MOSMO: variants seen among roughly 807,000 people sequenced by gnomAD.
The protein encoded by MOSMO is modulator of smoothened.
MOSMO carries 5 observed loss-of-function variants against 18.4 expected under a neutral mutation model. The ratio of observed to expected loss-of-function variants is 0.27; its 90% CI spans 0.14 to 0.57. The LOEUF (loss-of-function observed/expected upper bound fraction) is 0.57, where lower values mean the gene tolerates loss of function less well. Ranked by LOEUF, MOSMO falls within the 20% of genes least tolerant of loss-of-function variation. The pLI is 0.92. For synonymous variants in MOSMO, 82 were observed against 82.3 expected, an observed-to-expected ratio of 1.00 and a Z score of 0.02; for missense variants, 138 against 211.8, an observed-to-expected ratio of 0.65 and a Z score of 2.16.
At chr16:22,047,227 T>A (rs962923650) in intron 1 of MOSMO, among the ~76,000 whole-genome samples, 21 of 151,418 alleles carry the variant, frequency 1.4e-4, no homozygotes, top group African/African-American at 5.1e-4. Flanking sequence ...CTATACTGTT[T>A]ATGCACCATA....
At chr16:22,076,312 A>G (rs1900966665) in intron 2 of MOSMO, 1 of 152,298 alleles carries the variant, frequency 6.6e-6, no homozygotes, top group Non-Finnish European at 1.5e-5. Flanking sequence ...AGAAACAAAA[A>G]TGCACAAAGA....
chr16:22,030,179 C>T (rs947992612), intron 1 of MOSMO, among the ~76,000 whole-genome samples: 5 of 152,140 alleles, frequency 3.3e-5, no homozygotes, highest in Non-Finnish European at 5.9e-5. Flanking sequence ...ATTTGTTCTA[C>T]CTTCACCCTT....
intron 1 of MOSMO, among the ~76,000 whole-genome samples, 171 bp downstream of exon 1, chr16:22,008,578 G>A (rs983579386): frequency 6.6e-6 from 1 of 151,572 alleles, no homozygotes; most frequent in Non-Finnish European, 1.5e-5. Context: ...TGGAGGAGAG[G>A]AAGCCGCCGG....
intron 1 of MOSMO, among the ~76,000 whole-genome samples, chr16:22,030,248 G>A (rs1899965907): frequency 6.6e-6 from 1 of 152,090 alleles, no homozygotes; most frequent in East Asian, 1.9e-4. Flanking sequence ...GACTCTGCAG[G>A]CAGATAGATA....
intron 1 of MOSMO, among the ~76,000 whole-genome samples, chr16:22,070,288 C>T (rs933599641): frequency 2.5e-4 from 38 of 152,286 alleles, no homozygotes; most frequent in African/African-American, 8.4e-4. Context: ...CAGCAGCACC[C>T]GTCTGCTCTG....
intron 1 of MOSMO, among the ~76,000 whole-genome samples, chr16:22,062,293 T>A (rs1225985844): frequency 6.6e-6 from 1 of 151,942 alleles, no homozygotes; most frequent in African/African-American, 2.4e-5. Context: ...TCCCAAACTA[T>A]GTTTCTCTTA....
Position 22,075,524 on chromosome 16 carries a change from A to G in MOSMO, c.144A>G (p.Thr48=). Residue 48 remains threonine (T), a synonymous_variant, in exon 2 of 3, where the codon ACA becomes ACG. Coordinates refer to ENST00000542527, the MANE Select transcript of MOSMO (RefSeq NM_001164579.2). ...LTVGLVRQCQ[T]IHGRDRTCIP... ...TGGGCCTCGTGCGACAGTGTCAAACAATCCATGGACGAGACCGGACGTGCA... is the reference window on the plus strand; with the variant it reads ...TGGGCCTCGTGCGACAGTGTCAAACGATCCATGGACGAGACCGGACGTGCA... The G allele has an allele frequency of 3.9e-6, 6 of 1,537,292 alleles. No homozygotes were observed. Among genetic ancestry groups the G allele is most frequent in the Non-Finnish European group, 5.2e-6 (6 of 1,146,916 alleles).
intron 1 of MOSMO, among the ~76,000 whole-genome samples, chr16:22,015,023 G>T (rs1431781062): frequency 6.6e-6 from 1 of 152,004 alleles, no homozygotes; most frequent in East Asian, 1.9e-4. Flanking sequence ...GTGGCTTTTA[G>T]TATCTTCATA....
At chr16:22,070,249 C>T (rs747592817) in intron 1 of MOSMO, among the ~76,000 whole-genome samples, 9 of 152,144 alleles carry the variant, frequency 5.9e-5, no homozygotes, top group South Asian at 2.1e-4. Context: ...ACAGAGATGA[C>T]GGCCCTGAGA....
intron 2 of MOSMO, among the ~76,000 whole-genome samples, chr16:22,077,225 A>C (rs1482320717): frequency 6.6e-6 from 1 of 152,196 alleles, no homozygotes; most frequent in Non-Finnish European, 1.5e-5. Context: ...TTAGCAAGGT[A>C]GTGTGAGTCG....
intron 1 of MOSMO, among the ~76,000 whole-genome samples, chr16:22,025,788 G>A (rs1899863574): frequency 6.6e-6 from 1 of 152,152 alleles, no homozygotes; most frequent in Admixed American, 6.5e-5. Flanking sequence ...ATTCAAAGAA[G>A]GGAATGATTT....
At chr16:22,045,151 C>G (rs532598947) in intron 1 of MOSMO, among the ~76,000 whole-genome samples, 2 of 150,974 alleles carry the variant, frequency 1.3e-5, no homozygotes, top group East Asian at 3.9e-4. Flanking sequence ...TGACACTGCA[C>G]TCCAGCCTGG....
At chr16:22,068,747 T>C (rs1900793321) in intron 1 of MOSMO, among the ~76,000 whole-genome samples, 2 of 152,226 alleles carry the variant, frequency 1.3e-5, no homozygotes, top group Non-Finnish European at 2.9e-5. Flanking sequence ...TATGGCTATT[T>C]TGTTTTTTAT....
At chr16:22,033,167 T>A (rs938275245) in intron 1 of MOSMO, among the ~76,000 whole-genome samples, 2 of 152,148 alleles carry the variant, frequency 1.3e-5, no homozygotes, top group Non-Finnish European at 2.9e-5. Flanking sequence ...CTATTCTGAG[T>A]CCCTTGCATT....
intron 1 of MOSMO, among the ~76,000 whole-genome samples, chr16:22,051,308 A>G: frequency 6.6e-6 from 1 of 152,002 alleles, no homozygotes; most frequent in East Asian, 1.9e-4. Flanking sequence ...GGATCACTTG[A>G]ACCTGGGAGG....
At chr16:22,049,167 C>T (rs117569375) in intron 1 of MOSMO, among the ~76,000 whole-genome samples, 3,295 of 152,094 alleles carry the variant, frequency 0.022, 58 homozygotes, top group Non-Finnish European at 0.031. Flanking sequence ...GTTTTTGCCA[C>T]GTTAATAGTC....
At chr16:22,071,106 A>G (rs1900841576) in intron 1 of MOSMO, among the ~76,000 whole-genome samples, 1 of 152,180 alleles carries the variant, frequency 6.6e-6, no homozygotes. Context: ...GGCCTGTGTA[A>G]CCAGTGAAAC....
At chr16:22,074,717 C>G (rs547088548) in intron 1 of MOSMO, among the ~76,000 whole-genome samples, 1 of 152,216 alleles carries the variant, frequency 6.6e-6, no homozygotes, top group Admixed American at 6.5e-5. Flanking sequence ...GATGTTTTAC[C>G]AAAATCACTT....
intron 1 of MOSMO, among the ~76,000 whole-genome samples, chr16:22,031,947 G>A (rs1900002389): frequency 6.6e-6 from 1 of 152,106 alleles, no homozygotes; most frequent in Non-Finnish European, 1.5e-5. Context: ...TTTCCAAAGT[G>A]GTTGTACCAT....
Sources: gnomAD v4.1 joint callset for allele counts (sites outside exome capture counted in the v4.1 genomes callset) on GRCh38, gnomAD v4.1.1 for gene constraint, MANE v1.5 for transcripts, NCBI Gene and HGNC (gene_info 2026-07-23, HGNC 2026-07-21) for gene names.